Variants in CDH26 observed in about 807,000 individuals in gnomAD.
CDH26 encodes cadherin-like protein 26.
A neutral mutation model predicts 90.3 loss-of-function variants in CDH26; 83 were observed. The observed-to-expected ratio is 0.92, with a 90% CI of 0.77 to 1.10. The LOEUF is 1.10. CDH26 is among the 50% of genes least tolerant of loss of function. CDH26 has a pLI of 0.00. For missense variants in CDH26, 1,013 were observed against 1,037.6 expected (o/e 0.98, Z 0.33); for synonymous variants, 397 against 396.3 (o/e 1.00, Z -0.02).
intron 8 of CDH26, chr20:60,033,474 C>T (rs979954104): frequency 1.2e-5 from 16 of 1,300,386 alleles, no homozygotes; most frequent in Non-Finnish European, 1.4e-5. Flanking sequence ...CTGTTTTCAC[C>T]CCATTTTGCA....
intron 7 of CDH26, 60 bp from the exon 8 acceptor site, chr20:59,987,393 C>T: frequency 7.1e-7 from 1 of 1,401,164 alleles, no homozygotes; most frequent in Non-Finnish European, 9.7e-7. Context: ...TTCCTCTCTG[C>T]TTTCCTTTTC....
chr20:60,017,316 A>G (rs2061913595), downstream of CDH26, among the ~76,000 whole-genome samples: 1 of 151,928 alleles, frequency 6.6e-6, no homozygotes. Context: ...GAGGTTTTCT[A>G]TTTCTTTTTG....
intron 7 of CDH26, among the ~76,000 whole-genome samples, chr20:60,024,297 G>T (rs2061980400): frequency 6.6e-6 from 1 of 152,192 alleles, no homozygotes; most frequent in Non-Finnish European, 1.5e-5. Flanking sequence ...GGAGATAATA[G>T]TAGGGAAGAG....
intron 10 of CDH26, among the ~76,000 whole-genome samples, chr20:59,993,577 G>A (rs1368370340): frequency 6.6e-6 from 1 of 152,056 alleles, no homozygotes; most frequent in Non-Finnish European, 1.5e-5. Flanking sequence ...TCAAGTGTCT[G>A]CAAAAAAACA....
chr20:59,966,942 G>A (rs1470918167), intron 1 of CDH26, among the ~76,000 whole-genome samples: 1 of 151,762 alleles, frequency 6.6e-6, no homozygotes, highest in Non-Finnish European at 1.5e-5. Context: ...AACTGTAGGT[G>A]TTAACACACA....
At chr20:59,996,954 T>C (rs1384165674) in intron 13 of CDH26, among the ~76,000 whole-genome samples, 193 bp downstream of exon 13, 1 of 152,246 alleles carries the variant, frequency 6.6e-6, no homozygotes, top group Non-Finnish European at 1.5e-5. Context: ...AGATCAATGG[T>C]TCTCAACCAT....
At chr20:59,983,368 A>G (rs2061417254) in intron 5 of CDH26, among the ~76,000 whole-genome samples, 1 of 152,218 alleles carries the variant, frequency 6.6e-6, no homozygotes, top group Non-Finnish European at 1.5e-5. Flanking sequence ...GCTTCTGCAT[A>G]TCTCTGCACA....
intron 4 of CDH26, among the ~76,000 whole-genome samples, chr20:59,976,493 T>A (rs937096538): frequency 4.6e-5 from 7 of 152,178 alleles, no homozygotes; most frequent in African/African-American, 1.7e-4. Flanking sequence ...ACACAAGTGG[T>A]TCTTTTTTTA....
intron 7 of CDH26, 57 bp downstream of exon 7, chr20:59,985,186 C>G: frequency 6.3e-7 from 1 of 1,598,384 alleles, no homozygotes; most frequent in Non-Finnish European, 8.5e-7. Flanking sequence ...CCCTTGGGTC[C>G]TAGGCTCAGT....
At chr20:60,007,595 TCTA>T in intron 17 of CDH26, among the ~76,000 whole-genome samples, 1 of 152,286 alleles carries the variant, frequency 6.6e-6, no homozygotes, top group South Asian at 2.1e-4. Flanking sequence ...TTTAGAACTT[TCTA>T]GGACAGCAGT....
At chr20:60,031,532 T>A in intron 8 of CDH26, 1 of 1,031,874 alleles carries the variant, frequency 9.7e-7, no homozygotes, top group Non-Finnish European at 1.2e-6. Flanking sequence ...ATCAATTGAA[T>A]TAATTATTTG....
chr20:60,015,231 C>T (rs2061895236), downstream of CDH26, among the ~76,000 whole-genome samples: 2 of 152,154 alleles, frequency 1.3e-5, no homozygotes, highest in Admixed American at 1.3e-4. Flanking sequence ...GGTGATCCGC[C>T]CACCTCAGCC....
At chr20:60,017,929 G>T (rs1160931133), downstream of CDH26, among the ~76,000 whole-genome samples, 1 of 151,884 alleles carries the variant, frequency 6.6e-6, no homozygotes, top group Non-Finnish European at 1.5e-5. Flanking sequence ...TGTTCATCTT[G>T]TTCTTGATTT....
chr20:60,012,441 A>G (rs1477817212), intron 17 of CDH26, 86 bp from the exon 18 acceptor site: 1 of 1,277,286 alleles, frequency 7.8e-7, no homozygotes, highest in African/African-American at 1.5e-5. Flanking sequence ...TACTGCATTG[A>G]TGTGTTCCTC....
At chr20:60,033,698 C>T (rs1210895473) in exon 9 of CDH26, 1 of 1,292,946 alleles carries the variant, frequency 7.7e-7, no homozygotes, top group African/African-American at 1.5e-5. Context: ...GGTGGAGGGG[C>T]ATGGGCCTGC....
rs749918255 is a variant in CDH26 at position 60,014,329 on chromosome 20, T to C, written c.*1599T>C. 6.6e-6 allele frequency: 1 copy of C among 152,212 alleles called. No homozygotes were observed. Among genetic ancestry groups the C allele is most frequent in the Non-Finnish European group, 1.5e-5 (1 of 68,040 alleles). 9.4% of individuals were successfully genotyped at this position (152,212 alleles called of 1,614,324 possible). A position where few individuals can be genotyped will look rare whatever the true frequency, so the allele number is the denominator to read the frequency against. On this transcript the variant is annotated 3_prime_UTR_variant, in exon 18 of 18. Transcript: ENST00000348616. ...TCAATATCCATCCCCCTTCTAGCTATCTAAAACTATGTATTATTGTTAACT... is the reference window on the plus strand; with the variant it reads ...TCAATATCCATCCCCCTTCTAGCTACCTAAAACTATGTATTATTGTTAACT...
At chr20:60,031,362 A>G in exon 8 of CDH26, 2 of 1,281,310 alleles carry the variant, frequency 1.6e-6, no homozygotes, top group South Asian at 1.3e-5. Context: ...AGACTGGTAA[A>G]CGGAAACACG....
Position 59,994,473 on chromosome 20 carries a change from G to A in CDH26, c.1650G>A (p.Lys550=), listed in dbSNP as rs1278067426. Residue 550 remains lysine (K), a synonymous_variant, in exon 11 of 18, where the codon AAG becomes AAA. Coordinates refer to ENST00000348616, the MANE Select transcript of CDH26 (RefSeq NM_177980.4). ...NTWGNAEDTW[K]LGRNWGQSVE... is the part of the protein sequence containing the mutation. ...GGGGAAATGCGGAGGACACATGGAA[G>A]TTGGGGAGAAATTGGGGTGAGTTTT... The A allele has an allele frequency of 6.2e-7, 1 of 1,614,002 alleles. No homozygotes were observed. Among genetic ancestry groups the A allele is most frequent in the Non-Finnish European group, 8.5e-7 (1 of 1,179,996 alleles).
chr20:60,016,337 A>G (rs1398875677), downstream of CDH26, among the ~76,000 whole-genome samples: 3 of 152,044 alleles, frequency 2.0e-5, no homozygotes, highest in South Asian at 2.1e-4. Context: ...TTTCACTTCC[A>G]TGGTTAAACT....
Sources: gnomAD v4.1 joint callset for allele counts (sites outside exome capture counted in the v4.1 genomes callset) on GRCh38, gnomAD v4.1.1 for gene constraint, MANE v1.5 for transcripts, NCBI Gene and HGNC (gene_info 2026-07-23, HGNC 2026-07-21) for gene names.